Variants in EPHA5 observed in about 807,000 individuals in gnomAD.
EPHA5 encodes the protein EPH receptor A5.
In EPHA5, 60 loss-of-function variants were observed where a neutral mutation model predicts 105.0. The ratio of observed to expected loss-of-function variants is 0.57; its 90% CI spans 0.46 to 0.71. The LOEUF (loss-of-function observed/expected upper bound fraction) is 0.71. Ranked by LOEUF, EPHA5 falls within the 30% of genes least tolerant of loss-of-function variation. The pLI is 0.00. For synonymous variants in EPHA5, 513 were observed against 449.1 expected (o/e 1.14, Z -1.80); for missense variants, 1,218 against 1,274.7 (o/e 0.96, Z 0.68).
chr4:65,535,501 T>C (rs1736205131), intron 3 of EPHA5, among the ~76,000 whole-genome samples: 2 of 152,170 alleles, frequency 1.3e-5, no homozygotes, highest in Non-Finnish European at 2.9e-5. Context: ...TCATCTTATC[T>C]ATATAGAACA....
intron 2 of EPHA5, among the ~76,000 whole-genome samples, chr4:65,618,119 AAC>A (rs1745402872): frequency 6.6e-6 from 1 of 152,166 alleles, no homozygotes; most frequent in Non-Finnish European, 1.5e-5. Flanking sequence ...GTAAAGTTCA[AAC>A]ACTGGGACAC....
chr4:65,340,316 T>C (rs550851580), intron 14 of EPHA5, among the ~76,000 whole-genome samples: 1 of 152,208 alleles, frequency 6.6e-6, no homozygotes, highest in South Asian at 2.1e-4. Flanking sequence ...TGTGTTGTGC[T>C]CCATTCCCAG....
At chr4:65,499,500 T>C (rs1301956956) in intron 3 of EPHA5, among the ~76,000 whole-genome samples, 1 of 151,652 alleles carries the variant, frequency 6.6e-6, no homozygotes, top group Admixed American at 6.6e-5. Flanking sequence ...CTAAATCACA[T>C]GATGACTCAC....
chr4:65,558,329 T>C (rs1017960897), intron 3 of EPHA5, among the ~76,000 whole-genome samples: 2 of 152,164 alleles, frequency 1.3e-5, no homozygotes, highest in Non-Finnish European at 2.9e-5. Context: ...TTTTTCACAC[T>C]TCATTCATAA....
chr4:65,328,283 T>A (rs975251587), intron 16 of EPHA5, among the ~76,000 whole-genome samples: 11 of 151,320 alleles, frequency 7.3e-5, no homozygotes, highest in Admixed American at 3.3e-4. Context: ...TGTTATGAAC[T>A]GTCATTGTTG....
intron 11 of EPHA5, among the ~76,000 whole-genome samples, chr4:65,361,564 T>C (rs1717324130): frequency 6.6e-6 from 1 of 151,490 alleles, no homozygotes; most frequent in South Asian, 2.1e-4. Flanking sequence ...ATAATGTTAG[T>C]TAATATATAA....
intron 5 of EPHA5, among the ~76,000 whole-genome samples, chr4:65,444,047 T>C (rs183961003): frequency 2.8e-4 from 42 of 152,298 alleles, no homozygotes; most frequent in Admixed American, 9.2e-4. Flanking sequence ...TTGACTCTTA[T>C]TTGAAAGGCT....
At position 65,594,675 on chromosome 4, in the gene EPHA5, C is replaced by T. The variant is rs28410131; in HGVS notation, c.910+6966G>A. Among the ~76,000 whole-genome samples the T allele has an allele frequency of 1.9e-3, 294 of 152,110 alleles. 1 individual carries two copies. Among genetic ancestry groups the T allele is most frequent in the African/African-American group, 6.6e-3 (275 of 41,512 alleles). On this transcript the variant is annotated intron_variant, in intron 3 of 16. Coordinates refer to ENST00000613740, the MANE Select transcript of EPHA5 (RefSeq NM_001281766.3). ...CTGTCTTTTCTTTCATTGCCAAGTC[C>T]CCGTATTTGTCCATCAACATATAGC...
chr4:65,449,497 G>A (rs1413309642), intron 5 of EPHA5, among the ~76,000 whole-genome samples: 7 of 152,150 alleles, frequency 4.6e-5, no homozygotes, highest in African/African-American at 1.7e-4. Flanking sequence ...TACAAAGATT[G>A]TCATAGAACA....
At chr4:65,547,675 G>T (rs1204307908) in intron 3 of EPHA5, among the ~76,000 whole-genome samples, 1 of 152,078 alleles carries the variant, frequency 6.6e-6, no homozygotes, top group Non-Finnish European at 1.5e-5. Flanking sequence ...GGTGTTTTGA[G>T]AAACTTTCCC....
At chr4:65,383,216 G>A (rs1036902469) in intron 8 of EPHA5, among the ~76,000 whole-genome samples, 1 of 111,842 alleles carries the variant, frequency 8.9e-6, no homozygotes, top group Non-Finnish European at 1.9e-5. Context: ...ATGCATATAT[G>A]ATATACACAC....
intron 8 of EPHA5, among the ~76,000 whole-genome samples, chr4:65,375,832 T>C (rs965137661): frequency 6.6e-6 from 1 of 151,444 alleles, no homozygotes; most frequent in Non-Finnish European, 1.5e-5. Context: ...CCAAACTTTA[T>C]ACTATAGCTT....
intron 11 of EPHA5, among the ~76,000 whole-genome samples, chr4:65,353,529 CACA>C (rs1723027357): frequency 2.0e-5 from 3 of 150,948 alleles, no homozygotes; most frequent in East Asian, 1.9e-4. Context: ...CACACACACA[CACA>C]CCCTTGCCAA....
chr4:65,424,730 G>A (rs1724260308), intron 5 of EPHA5, among the ~76,000 whole-genome samples: 1 of 152,008 alleles, frequency 6.6e-6, no homozygotes, highest in South Asian at 2.1e-4. Flanking sequence ...TTACACAGAT[G>A]AGATGCTTTG....
chr4:65,607,044 T>C (rs539429262), intron 2 of EPHA5, among the ~76,000 whole-genome samples: 50 of 152,306 alleles, frequency 3.3e-4, no homozygotes, highest in Admixed American at 1.6e-3. Context: ...AAATATAGGT[T>C]TTAAATTTAA....
intron 2 of EPHA5, among the ~76,000 whole-genome samples, chr4:65,639,469 GGAT>G (rs1747446011): frequency 1.3e-5 from 2 of 152,090 alleles, no homozygotes; most frequent in East Asian, 3.9e-4. Context: ...AAAGTACTGA[GGAT>G]CTTTTATACA....
At chr4:65,634,206 T>C (rs1401468967) in intron 2 of EPHA5, among the ~76,000 whole-genome samples, 2 of 152,116 alleles carry the variant, frequency 1.3e-5, no homozygotes, top group Non-Finnish European at 2.9e-5. Context: ...TTAGGAAAAG[T>C]GTTTTGAGAA....
At chr4:65,619,547 T>A (rs1745531205) in intron 2 of EPHA5, among the ~76,000 whole-genome samples, 1 of 152,162 alleles carries the variant, frequency 6.6e-6, no homozygotes, top group East Asian at 1.9e-4. Context: ...AAATTTGATT[T>A]ATGCAGCATG....
chr4:65,429,026 T>C (rs1159405850), intron 5 of EPHA5, among the ~76,000 whole-genome samples: 1 of 152,048 alleles, frequency 6.6e-6, no homozygotes, highest in Non-Finnish European at 1.5e-5. Context: ...TCATTGAATG[T>C]GTTTTCCATT....
Sources: allele counts gnomAD v4.1 joint callset (sites outside exome capture counted in the v4.1 genomes callset), GRCh38; gene constraint gnomAD v4.1.1; transcripts MANE v1.5; gene names NCBI Gene and HGNC (gene_info 2026-07-23, HGNC 2026-07-21).